ZNF280D: variants seen among roughly 807,000 people sequenced by gnomAD.
ZNF280D encodes suppressor of hairy wing homolog 4.
Under a neutral mutation model 94.7 loss-of-function variants are expected in ZNF280D, and 39 were observed. The observed-to-expected ratio is 0.41, with a 90% CI of 0.32 to 0.54. The LOEUF is 0.54. Ranked by LOEUF, ZNF280D falls within the 20% of genes least tolerant of loss-of-function variation. The pLI is 0.22. For missense variants in ZNF280D, 1,090 were observed against 1,149.3 expected (o/e 0.95, Z 0.75); for synonymous variants, 398 against 377.6 (o/e 1.05, Z -0.63).
At chr15:56,706,998 GTCTCCCA>G in intron 3 of ZNF280D, 77 bp downstream of exon 3, 1 of 1,351,042 alleles carries the variant, frequency 7.4e-7, no homozygotes, top group Non-Finnish European at 1.0e-6. Flanking sequence ...TTTAAAAAAT[GTCTCCCA>G]ACTTTCATCC....
At chr15:56,633,626 G>GGT (rs2052201140) in intron 21 of ZNF280D, among the ~76,000 whole-genome samples, 1 of 151,918 alleles carries the variant, frequency 6.6e-6, no homozygotes, top group African/African-American at 2.4e-5. Context: ...GAATAGCTGG[G>GGT]ATTACAGGCA....
intron 19 of ZNF280D, among the ~76,000 whole-genome samples, chr15:56,652,297 CTTTAAAA>C (rs1485191174): frequency 6.6e-6 from 1 of 152,012 alleles, no homozygotes; most frequent in East Asian, 1.9e-4. Flanking sequence ...TTTTGCTAGT[CTTTAAAA>C]TTTAAGAAAT....
intron 13 of ZNF280D, among the ~76,000 whole-genome samples, chr15:56,673,456 C>A (rs188011110): frequency 6.6e-6 from 1 of 152,042 alleles, no homozygotes; most frequent in Non-Finnish European, 1.5e-5. Context: ...CTTCTCATTA[C>A]CTCGTTCAAC....
chr15:56,733,405 G>A (rs998759028), intron 1 of ZNF280D, 53 bp downstream of exon 1: 8 of 972,926 alleles, frequency 8.2e-6, no homozygotes, highest in Admixed American at 6.1e-5. Flanking sequence ...GGCCGCGCGG[G>A]AGGGCCTCTG....
chr15:56,703,378 T>A (rs984629094), intron 4 of ZNF280D, among the ~76,000 whole-genome samples: 17 of 152,168 alleles, frequency 1.1e-4, no homozygotes, highest in Non-Finnish European at 1.3e-4. Flanking sequence ...GTGCAATCAT[T>A]CACCACCTAT....
intron 6 of ZNF280D, among the ~76,000 whole-genome samples, chr15:56,694,443 C>T (rs893122898): frequency 1.8e-4 from 27 of 151,438 alleles, no homozygotes; most frequent in Non-Finnish European, 1.8e-4. Flanking sequence ...ACATAACAAG[C>T]GGATTAACAA....
chr15:56,660,605 T>C (rs1296959480), intron 16 of ZNF280D, among the ~76,000 whole-genome samples: 4 of 152,024 alleles, frequency 2.6e-5, no homozygotes, highest in East Asian at 3.9e-4. Context: ...ATAAAGGTAA[T>C]AGCAATATAG....
At chr15:56,635,144 G>A (rs2052285515) in intron 21 of ZNF280D, 51 bp downstream of exon 21, 2 of 1,163,958 alleles carry the variant, frequency 1.7e-6, no homozygotes, top group South Asian at 1.5e-5. Flanking sequence ...CAGCTCAAGT[G>A]TTATTTTGTA....
intron 13 of ZNF280D, among the ~76,000 whole-genome samples, chr15:56,674,723 GTAAT>G (rs1192811494): frequency 2.5e-4 from 38 of 151,612 alleles, no homozygotes; most frequent in African/African-American, 8.8e-4. Flanking sequence ...CATAAGGTAA[GTAAT>G]TAGTGTATGT....
intron 3 of ZNF280D, among the ~76,000 whole-genome samples, chr15:56,706,307 T>C (rs1023470265): frequency 6.7e-6 from 1 of 150,304 alleles, no homozygotes; most frequent in Admixed American, 6.7e-5. Flanking sequence ...AAACCCAGTC[T>C]CTACTAAAAA....
intron 1 of ZNF280D, among the ~76,000 whole-genome samples, chr15:56,725,815 A>AT (rs1318659865): frequency 6.6e-6 from 1 of 151,966 alleles, no homozygotes; most frequent in Admixed American, 6.5e-5. Flanking sequence ...TATTCAGGTG[A>AT]TTAAAAAAAA....
In ZNF280D at chr15:56,707,382, T is replaced by C. The variant is rs185706801; in HGVS notation, c.-85-76A>G. Reference sequence around the variant, plus strand: ...TATACATATTTAATCTTTTCTCCTATACAGAGGTCAATTATGTTTGATATA... The same window carrying C: ...TATACATATTTAATCTTTTCTCCTACACAGAGGTCAATTATGTTTGATATA... On this transcript the variant is annotated intron_variant, in intron 1 of 21. Coordinates refer to ENST00000267807, the MANE Select transcript of ZNF280D (RefSeq NM_017661.4). The C allele has an allele frequency of 1.5e-4, 196 of 1,274,284 alleles. No homozygotes were observed. In the African/African-American group the frequency reaches 2.5e-3, roughly 16 times the overall value. The allele number at this position is 1,274,284 out of a possible 1,614,324, so 78.9% of individuals were successfully genotyped here.
chr15:56,691,672 C>A (rs1312691588), intron 7 of ZNF280D, among the ~76,000 whole-genome samples: 2 of 152,146 alleles, frequency 1.3e-5, no homozygotes, highest in Non-Finnish European at 2.9e-5. Context: ...CCCCCATAAT[C>A]TCCCTAGATG....
intron 1 of ZNF280D, among the ~76,000 whole-genome samples, chr15:56,707,531 T>C (rs1325363991): frequency 6.6e-6 from 1 of 152,190 alleles, no homozygotes. Context: ...ATTTGTAAAT[T>C]ACAAATAATT....
At position 56,733,487 on chromosome 15, in the gene ZNF280D, G is replaced by T. The variant is rs1219913728; in HGVS notation, c.-115C>A. On this transcript the variant is annotated 5_prime_UTR_variant, in exon 1 of 22. Transcript: ENST00000267807. ...AGCGGAGCGGATCGGCCTGACTGGA[G>T]CCCTGAGGAGGAGGAGAAAGAGGAG... The T allele has an allele frequency of 2.6e-6, 3 of 1,135,866 alleles. No individual in the cohort carries two copies. Among genetic ancestry groups the T allele is most frequent in the Admixed American group, 4.6e-5 (1 of 21,652 alleles). 70.4% of individuals were successfully genotyped at this position (1,135,866 alleles called of 1,614,324 possible). A position where few individuals can be genotyped will look rare whatever the true frequency, so the allele number is the denominator to read the frequency against.
intron 13 of ZNF280D, 123 bp downstream of exon 13, chr15:56,676,547 A>G: frequency 1.3e-6 from 1 of 788,044 alleles, no homozygotes; most frequent in Non-Finnish European, 1.8e-6. Flanking sequence ...TGAAGTGTAA[A>G]TTAATAGTGT....
At chr15:56,636,910 G>A (rs575776828) in intron 20 of ZNF280D, among the ~76,000 whole-genome samples, 14 of 151,998 alleles carry the variant, frequency 9.2e-5, no homozygotes, top group Non-Finnish European at 1.9e-4. Flanking sequence ...GTGAGCCACC[G>A]TGCCCAGCCT....
chr15:56,730,407 TC>T (rs2058829237), intron 1 of ZNF280D: 1 of 152,202 alleles, frequency 6.6e-6, no homozygotes, highest in Non-Finnish European at 1.5e-5. Flanking sequence ...ATATCCAATT[TC>T]CTGTCACCTA....
At chr15:56,652,670 C>G in intron 19 of ZNF280D, 1 of 985,250 alleles carries the variant, frequency 1.0e-6, no homozygotes, top group Non-Finnish European at 1.2e-6. Context: ...ACATTAATGG[C>G]TAAGTAGACA....
Sources: gnomAD v4.1 joint callset for allele counts (sites outside exome capture counted in the v4.1 genomes callset) on GRCh38, gnomAD v4.1.1 for gene constraint, MANE v1.5 for transcripts, NCBI Gene and HGNC (gene_info 2026-07-23, HGNC 2026-07-21) for gene names.